METTL22: variants seen among roughly 807,000 people sequenced by gnomAD.
METTL22 encodes the protein methyltransferase 22, Kin17 lysine, also known as methyltransferase-like protein 22.
METTL22 carries 51 observed loss-of-function variants against 48.4 expected under a neutral mutation model. The observed-to-expected ratio is 1.05, with a 90% CI of 0.84 to 1.33. METTL22 has a LOEUF of 1.33. Ranked by LOEUF, METTL22 falls within the 40% of genes most tolerant of loss-of-function variation. The probability of loss-of-function intolerance (pLI) is 0.00; values close to 1 mark genes in which losing one functional copy is unlikely to be tolerated. For missense variants in METTL22, 678 were observed against 526.9 expected (o/e 1.29, Z -2.81); for synonymous variants, 255 against 214.1 (o/e 1.19, Z -1.67).
intron 3 of METTL22, among the ~76,000 whole-genome samples, chr16:8,633,641 A>C (rs925513922): frequency 1.3e-5 from 2 of 152,140 alleles, no homozygotes; most frequent in Non-Finnish European, 2.9e-5. Context: ...AGATGACCTG[A>C]CTTGGAACCC....
At chr16:8,637,836 G>A (rs1381339644) in intron 5 of METTL22, among the ~76,000 whole-genome samples, 2 of 152,088 alleles carry the variant, frequency 1.3e-5, no homozygotes, top group African/African-American at 4.8e-5. Context: ...TATCATAAAG[G>A]TTTAAAAACT....
Position 8,644,720 on chromosome 16 carries a change from C to A in METTL22, c.1174C>A (p.Gln392Lys), listed in dbSNP as rs747080077. ...PQLLVYERLQQLELWKIIAEP... is the reference protein window; with the variant it reads ...PQLLVYERLQKLELWKIIAEP... ...GCTCCTGGTTTACGAGCGCCTCCAG[C>A]AACTGGTAGGTCCAGGCCCCGAAGC... Residue 392 changes from glutamine to lysine, a missense_variant, in exon 10 of 11, where the codon CAA (glutamine) becomes AAA (lysine). Transcript: ENST00000381920. The A allele has an allele frequency of 1.3e-6, 2 of 1,588,086 alleles. No individual in the cohort carries two copies. Among genetic ancestry groups the A allele is most frequent in the Non-Finnish European group, 1.7e-6 (2 of 1,166,106 alleles).
At chr16:8,666,170 G>A in the METTL22 span, among the ~76,000 whole-genome samples, 17 of 152,286 alleles carry the variant, frequency 1.1e-4, no homozygotes, top group African/African-American at 4.1e-4. Context: ...AGAAGTGCTG[G>A]GGAGTTGACA....
chr16:8,638,376 G>T (rs565656409), intron 5 of METTL22, among the ~76,000 whole-genome samples: 3 of 152,066 alleles, frequency 2.0e-5, no homozygotes, highest in Non-Finnish European at 4.4e-5. Context: ...CTTTCTACAT[G>T]CACATTCTTC....
rs1272504038 is a variant in METTL22, at chr16:8,646,128, A to C, written c.1200A>C (p.Ala400=). ...TGCAGGAGCTCTGGAAGATCATCGC[A>C]GAACCAGTAACATGACCCATCGCCT... The part of the protein sequence containing the change: ...LQQLELWKII[A]EPVT Residue 400 remains alanine (A), a synonymous_variant, in exon 11 of 11, where the codon GCA becomes GCC. Transcript: ENST00000381920. 1 of 1,520,244 alleles carries C rather than the reference A, an allele frequency of 6.6e-7. No individual in the cohort carries two copies. Among genetic ancestry groups the C allele is most frequent in the African/African-American group, 2.0e-5 (1 of 49,322 alleles). The allele number at this position is 1,520,244 out of a possible 1,614,324, so 94.2% of individuals were successfully genotyped here. A position where few individuals can be genotyped will look rare whatever the true frequency, so the allele number is the denominator to read the frequency against.
intron 1 of METTL22, among the ~76,000 whole-genome samples, chr16:8,622,022 C>T (rs1040265892): frequency 6.6e-6 from 1 of 152,202 alleles, no homozygotes; most frequent in African/African-American, 2.4e-5. Context: ...GAGGGCAGTG[C>T]CCGACCTGTG....
chr16:8,644,906 C>A, intron 10 of METTL22, 181 bp downstream of exon 10: 1 of 580,184 alleles, frequency 1.7e-6, no homozygotes, highest in South Asian at 3.0e-5. Context: ...ACATCCTGTT[C>A]TTAGCAGCCA....
the METTL22 span, among the ~76,000 whole-genome samples, chr16:8,663,681 T>C: frequency 6.6e-6 from 1 of 152,188 alleles, no homozygotes; most frequent in South Asian, 2.1e-4. Context: ...TAAGTACTAT[T>C]ATTCTTACAT....
At chr16:8,628,337 T>A (rs536644082) in intron 2 of METTL22, among the ~76,000 whole-genome samples, 2 of 152,348 alleles carry the variant, frequency 1.3e-5, no homozygotes, top group African/African-American at 4.8e-5. Context: ...AAACCCGGGA[T>A]GCTGTGTGAG....
chr16:8,625,453 A>C, intron 1 of METTL22, 43 bp from the exon 2 acceptor site: 1 of 404,720 alleles, frequency 2.5e-6, no homozygotes. Flanking sequence ...AATGAATATA[A>C]TGAGTGAAAT....
the METTL22 span, among the ~76,000 whole-genome samples, chr16:8,662,297 C>G: frequency 1.4e-5 from 2 of 145,574 alleles, no homozygotes; most frequent in Non-Finnish European, 3.0e-5. Context: ...CCGGTTCTGT[C>G]TTTCCATTGG....
intron 2 of METTL22, among the ~76,000 whole-genome samples, chr16:8,627,551 T>C (rs1479497473): frequency 1.3e-5 from 2 of 152,146 alleles, no homozygotes; most frequent in African/African-American, 4.8e-5. Context: ...CCTCCTGCCC[T>C]AATTTGGATG....
At chr16:8,659,185 G>T in the METTL22 span, among the ~76,000 whole-genome samples, 1 of 152,082 alleles carries the variant, frequency 6.6e-6, no homozygotes, top group South Asian at 2.1e-4. Context: ...ACAAAAATTA[G>T]TTGGGCACAG....
At chr16:8,625,950 T>A in intron 2 of METTL22, 152 bp downstream of exon 2, 3 of 1,021,204 alleles carry the variant, frequency 2.9e-6, no homozygotes, top group South Asian at 1.7e-5. Flanking sequence ...TATGATTTTT[T>A]AAAAACCTTG....
chr16:8,633,490 C>A (rs1340609648), intron 3 of METTL22, among the ~76,000 whole-genome samples: 1 of 152,180 alleles, frequency 6.6e-6, no homozygotes, highest in African/African-American at 2.4e-5. Context: ...CCTGTAGCCC[C>A]AGCTACTCGA....
In METTL22 at chr16:8,625,718, A is replaced by T. The variant is rs768963951; in HGVS notation, c.53A>T (p.Asp18Val). ...AAMDEVTFRS[D>V]TVLSDVHLYT... ...ATGGACGAGGTCACCTTTAGGAGCGACACTGTGCTGTCAGATGTCCACCTC... is the reference window on the plus strand; with the variant it reads ...ATGGACGAGGTCACCTTTAGGAGCGTCACTGTGCTGTCAGATGTCCACCTC... Residue 18 changes from aspartate (D) to valine (V), a missense_variant, in exon 2 of 11, where the codon GAC becomes GTC. Coordinates refer to ENST00000381920, the MANE Select transcript of METTL22 (RefSeq NM_024109.4). 2 of 1,614,210 alleles carry T rather than the reference A, an allele frequency of 1.2e-6. No homozygotes were observed. Among genetic ancestry groups the T allele is most frequent in the Non-Finnish European group, 1.7e-6 (2 of 1,180,040 alleles).
At chr16:8,650,637 G>A (rs971891122), downstream of METTL22, among the ~76,000 whole-genome samples, 2 of 152,212 alleles carry the variant, frequency 1.3e-5, no homozygotes, top group Non-Finnish European at 2.9e-5. Flanking sequence ...TCTCAAGGTG[G>A]TGAATACCTC....
At chr16:8,636,125 CA>C (rs1277934934) in intron 5 of METTL22, among the ~76,000 whole-genome samples, 1 of 152,152 alleles carries the variant, frequency 6.6e-6, no homozygotes, top group Non-Finnish European at 1.5e-5. Flanking sequence ...CCCACCGTGT[CA>C]CCTTCTGGAA....
At chr16:8,638,243 G>A (rs2056483403) in intron 5 of METTL22, among the ~76,000 whole-genome samples, 1 of 152,004 alleles carries the variant, frequency 6.6e-6, no homozygotes, top group Non-Finnish European at 1.5e-5. Flanking sequence ...CTGCAAGCAG[G>A]GAGCTCCTCC....
Sources: allele counts gnomAD v4.1 joint callset (sites outside exome capture counted in the v4.1 genomes callset), GRCh38; gene constraint gnomAD v4.1.1; transcripts MANE v1.5; gene names NCBI Gene and HGNC (gene_info 2026-07-23, HGNC 2026-07-21).